Variants in RIMKLB observed in about 807,000 individuals in gnomAD.
RIMKLB encodes the protein ribosomal modification protein rimK like family member B.
In RIMKLB, 7 loss-of-function variants were observed where a neutral mutation model predicts 32.0. The ratio of observed to expected loss-of-function variants is 0.22; its 90% CI spans 0.12 to 0.41. The LOEUF is 0.41. RIMKLB is among the 10% of genes least tolerant of loss of function. The probability of loss-of-function intolerance (pLI) is 1.00; values close to 1 mark genes in which losing one functional copy is unlikely to be tolerated. For missense variants in RIMKLB, 289 were observed against 498.7 expected (o/e 0.58, Z 4.00); for synonymous variants, 172 against 185.1 (o/e 0.93, Z 0.57).
At chr12:8,759,551 T>C (rs756009412) in intron 5 of RIMKLB, among the ~76,000 whole-genome samples, 5 of 152,228 alleles carry the variant, frequency 3.3e-5, no homozygotes, top group Non-Finnish European at 7.3e-5. Context: ...TTTCATAGTT[T>C]ATTTGGTCAT....
intron 1 of RIMKLB, 101 bp downstream of exon 1, chr12:8,698,398 G>T (rs1943045523): frequency 5.7e-6 from 1 of 174,928 alleles, no homozygotes; most frequent in South Asian, 7.8e-5. Flanking sequence ...CCCGATTAGC[G>T]GGGGCTGGGC....
At chr12:8,682,641 G>C (rs973860741) in intron 1 of RIMKLB, among the ~76,000 whole-genome samples, 1 of 151,712 alleles carries the variant, frequency 6.6e-6, no homozygotes, top group Non-Finnish European at 1.5e-5. Context: ...GCGTGGTGGC[G>C]GGCGCCTGTA....
the RIMKLB span, among the ~76,000 whole-genome samples, chr12:8,669,621 C>CT: frequency 3.3e-5 from 5 of 151,674 alleles, no homozygotes; most frequent in Non-Finnish European, 7.4e-5. Flanking sequence ...TATATACCTC[C>CT]TTTGGAAAAT....
At chr12:8,704,837 T>C (rs1250520781) in intron 1 of RIMKLB, among the ~76,000 whole-genome samples, 1 of 137,246 alleles carries the variant, frequency 7.3e-6, no homozygotes, top group African/African-American at 2.8e-5. Flanking sequence ...AGGAAAAAAT[T>C]AGCTGGGTGT....
the RIMKLB span, among the ~76,000 whole-genome samples, chr12:8,672,693 G>A: frequency 1.3e-5 from 2 of 152,022 alleles, no homozygotes; most frequent in Non-Finnish European, 2.9e-5. Flanking sequence ...AGATTTGGGT[G>A]GGGACACAAC....
Position 8,776,493 on chromosome 12 carries a change from A to G in RIMKLB, c.*2709A>G. On this transcript the variant is annotated 3_prime_UTR_variant, in exon 6 of 6. Transcript: ENST00000535829. ...ATTATGAGAGAGAATGTATATATCA[A>G]ATATGTGTAATGATAAAATCTGAAT... The G allele has an allele frequency of 1.4e-6, 1 of 712,150 alleles. No homozygotes were observed. Among genetic ancestry groups the G allele is most frequent in the Non-Finnish European group, 1.7e-6 (1 of 580,942 alleles). The allele number at this position is 712,150 out of a possible 1,614,324, so 44.1% of individuals were successfully genotyped here.
chr12:8,749,110 A>G (rs1361631589), intron 2 of RIMKLB, among the ~76,000 whole-genome samples: 1 of 152,180 alleles, frequency 6.6e-6, no homozygotes, highest in African/African-American at 2.4e-5. Flanking sequence ...CATAATATAG[A>G]TTGAGAATTG....
upstream of RIMKLB, chr12:8,681,504 A>AATG (rs1555142454): frequency 2.4e-4 from 36 of 152,298 alleles, 2 homozygotes; most frequent in East Asian, 6.0e-3. Flanking sequence ...AACTTGTGCT[A>AATG]CGTTAATGCA....
Position 8,714,812 on chromosome 12 carries a change from T to C in RIMKLB, c.175+771T>C, listed in dbSNP as rs563569952. Among the ~76,000 whole-genome samples the C allele has an allele frequency of 3.5e-4, 53 of 152,328 alleles. No individual in the cohort carries two copies. The South Asian group carries it at 0.011, about 30-fold the overall frequency. On this transcript the variant is annotated intron_variant, in intron 2 of 5. Transcript: ENST00000535829. ...ATATGGTGTCATATAAATGGACTTTTTGACTGGCTTTCAGAAAATACTTCA... is the reference window on the plus strand; with the variant it reads ...ATATGGTGTCATATAAATGGACTTTCTGACTGGCTTTCAGAAAATACTTCA...
intron 2 of RIMKLB, among the ~76,000 whole-genome samples, chr12:8,730,815 C>T (rs1946469392): frequency 6.6e-6 from 1 of 152,020 alleles, no homozygotes; most frequent in Non-Finnish European, 1.5e-5. Flanking sequence ...TCTCGGCCCA[C>T]TGCAACCTCC....
chr12:8,696,936 T>C (rs1942910696), upstream of RIMKLB, among the ~76,000 whole-genome samples: 1 of 152,178 alleles, frequency 6.6e-6, no homozygotes, highest in Non-Finnish European at 1.5e-5. Flanking sequence ...GAATCTTCCA[T>C]GTAAACCTGG....
intron 2 of RIMKLB, among the ~76,000 whole-genome samples, chr12:8,716,092 G>T (rs1944804831): frequency 6.6e-6 from 1 of 152,172 alleles, no homozygotes; most frequent in Non-Finnish European, 1.5e-5. Context: ...CTCCTACAAG[G>T]CTTCTGGTGG....
At chr12:8,756,204 C>A (rs1156672969) in intron 5 of RIMKLB, among the ~76,000 whole-genome samples, 3 of 151,816 alleles carry the variant, frequency 2.0e-5, no homozygotes, top group Admixed American at 6.6e-5. Flanking sequence ...ACCTGTGGTC[C>A]CAGCTGCTCA....
rs754604128 is a variant in RIMKLB, at chr12:8,773,253, A to G, written c.698-68A>G. The G allele has an allele frequency of 6.0e-5, 68 of 1,126,274 alleles. No individual in the cohort carries two copies. The South Asian group carries it at 8.9e-4, about 15-fold the overall frequency. The allele number at this position is 1,126,274 out of a possible 1,614,324, so 69.8% of individuals were successfully genotyped here. On this transcript the variant is annotated intron_variant, in intron 5 of 5. Transcript: ENST00000535829. ...ATTTAGAAGAAAGGCTTAGCCTTGG[A>G]GGCCAACTTTAATTTTATTTCAAAA...
chr12:8,777,466 T>G, downstream of RIMKLB: 1 of 1,112,730 alleles, frequency 9.0e-7, no homozygotes, highest in Non-Finnish European at 1.1e-6. Context: ...GCTGCCTAAC[T>G]CTAGTGAAAA....
chr12:8,753,255 T>TG (rs2137801409), intron 4 of RIMKLB, among the ~76,000 whole-genome samples: 1 of 152,324 alleles, frequency 6.6e-6, no homozygotes, highest in South Asian at 2.1e-4. Flanking sequence ...TTTTATGGTC[T>TG]ACCCTCATAA....
chr12:8,679,513 GC>G, upstream of RIMKLB: 1 of 166,750 alleles, frequency 6.0e-6, no homozygotes, highest in Non-Finnish European at 1.3e-5. Flanking sequence ...GAAATGTGCA[GC>G]AGATTCCAGG....
At chr12:8,704,157 G>A (rs1014715833) in intron 1 of RIMKLB, among the ~76,000 whole-genome samples, 4 of 152,192 alleles carry the variant, frequency 2.6e-5, no homozygotes, top group East Asian at 1.9e-4. Context: ...TGAGGCAGGC[G>A]GATCATTTGG....
upstream of RIMKLB, among the ~76,000 whole-genome samples, chr12:8,677,971 C>A (rs1260445057): frequency 6.6e-6 from 1 of 151,050 alleles, no homozygotes; most frequent in African/African-American, 2.4e-5. Flanking sequence ...TTTGTAGAGA[C>A]AGCATCTTGC....
Sources: allele counts gnomAD v4.1 joint callset (sites outside exome capture counted in the v4.1 genomes callset), GRCh38; gene constraint gnomAD v4.1.1; transcripts MANE v1.5; gene names NCBI Gene and HGNC (gene_info 2026-07-23, HGNC 2026-07-21).